The following HSP90AA1 variants were observed in gnomAD, a reference collection of about 807,000 sequenced individuals.
The protein encoded by HSP90AA1 is heat shock protein HSP 90-alpha.
HSP90AA1 carries 18 observed loss-of-function variants against 73.3 expected under a neutral mutation model. The ratio of observed to expected loss-of-function variants is 0.25; its 90% confidence interval spans 0.17 to 0.36. The LOEUF (loss-of-function observed/expected upper bound fraction) is 0.36. Ranked by LOEUF, HSP90AA1 falls within the 10% of genes least tolerant of loss-of-function variation. The pLI is 1.00. For missense variants in HSP90AA1, 704 were observed against 874.2 expected, an observed-to-expected ratio of 0.81 and a Z score of 2.45; for synonymous variants, 477 against 296.9, an observed-to-expected ratio of 1.61 and a Z score of -6.24.
chr14:102,122,160 G>T (rs971058653), intron 1 of HSP90AA1, among the ~76,000 whole-genome samples: 3 of 151,844 alleles, frequency 2.0e-5, no homozygotes, highest in Non-Finnish European at 4.4e-5. Flanking sequence ...AATTATAAAT[G>T]GTTAGTTGGT....
rs1595654483 is a variant in HSP90AA1 at position 102,082,646 on chromosome 14, A to G, written c.1756-202T>C. The G allele has an allele frequency of 5.1e-6, 3 of 594,046 alleles. No homozygotes were observed. The East Asian group carries it at 8.8e-5, about 17-fold the overall frequency. 36.8% of individuals were successfully genotyped at this position (594,046 alleles called of 1,614,324 possible). On this transcript the variant is annotated intron_variant, in intron 9 of 10. Transcript: ENST00000216281. ...ATGCACAATTTTTTTTTTGAGATAG[A>G]GTCTCGCTCCATCACCCAGGCTGGA...
rs762349328 is a variant in HSP90AA1 at position 102,084,847 on chromosome 14, C to T, written c.815G>A (p.Gly272Asp). Residue 272 changes from glycine (G) to aspartate (D), a missense_variant, in exon 5 of 11, where the codon GGT becomes GAT. Gly to Asp is a moderately conservative substitution (Grantham distance 94, BLOSUM62 -1). Transcript: ENST00000216281. Reference protein sequence around the residue: ...GSDEEEEKKDGDKKKKKKIKE... With the variant: ...GSDEEEEKKDDDKKKKKKIKE... Reference sequence around the variant, plus strand: ...AATCTTCTTCTTCTTCTTCTTGTCACCATCCTTCTTTTCTTCTTCCTCATC... The same window carrying T: ...AATCTTCTTCTTCTTCTTCTTGTCATCATCCTTCTTTTCTTCTTCCTCATC... The T allele has an allele frequency of 1.9e-6, 3 of 1,591,154 alleles. No homozygotes were observed. Among genetic ancestry groups the T allele is most frequent in the Middle Eastern group, 1.7e-4 (1 of 6,022 alleles).
chr14:102,085,310 G>A lies in HSP90AA1; in HGVS notation c.651C>T (p.Pro217=), dbSNP rs2049199979. The A allele has an allele frequency of 4.3e-6, 7 of 1,611,816 alleles. No individual in the cohort carries two copies. Among genetic ancestry groups the A allele is most frequent in the Non-Finnish European group, 5.9e-6 (7 of 1,178,492 alleles). The part of the protein sequence containing the change: ...VKKHSQFIGY[P]ITLFVEKERD... The stretch of plus-strand genomic sequence containing the variant: ...CATAAAAACTTACAAAAAGAGTAAT[G>A]GGATATCCAATAAACTGAGAATGTT... Residue 217 remains proline (P), a synonymous_variant, in exon 4 of 11, where the codon CCC becomes CCT. Coordinates refer to ENST00000216281, the MANE Select transcript of HSP90AA1 (RefSeq NM_005348.4).
chr14:102,133,038 G>A (rs562269496), intron 1 of HSP90AA1, among the ~76,000 whole-genome samples: 6 of 152,190 alleles, frequency 3.9e-5, no homozygotes, highest in African/African-American at 1.2e-4. Flanking sequence ...CCAGCACTTT[G>A]GGAGGCCAAG....
chr14:102,124,427 A>C (rs1473148058), intron 1 of HSP90AA1, among the ~76,000 whole-genome samples: 1 of 152,178 alleles, frequency 6.6e-6, no homozygotes. Context: ...TCCTAACCTC[A>C]GGTGATCTGC....
chr14:102,110,071 C>T (rs372789429), intron 1 of HSP90AA1, among the ~76,000 whole-genome samples: 2 of 151,828 alleles, frequency 1.3e-5, no homozygotes, highest in South Asian at 2.1e-4. Flanking sequence ...GTAGCTGGGA[C>T]TACAGGTGCC....
Position 102,085,766 on chromosome 14 carries a change from G to C in HSP90AA1, c.521C>G (p.Thr174Arg), listed in dbSNP as rs2049216344. 6.2e-7 allele frequency: 1 copy of C among 1,613,948 alleles called. No homozygotes were observed. Among genetic ancestry groups the C allele is most frequent in the Non-Finnish European group, 8.5e-7 (1 of 1,179,866 alleles). Residue 174 changes from threonine to arginine, a missense_variant, in exon 3 of 11, where the codon ACA (threonine) becomes AGA (arginine). By Grantham distance (71) the Thr-to-Arg change is moderately conservative. Transcript: ENST00000216281. ...AATGTTCAGGTGCCTACCTGTGTCT[G>C]TCCTCACTGTGAATGATCCCCCTGC... is the stretch of plus-strand genomic sequence containing the variant. ...SSAGGSFTVR[T>R]DTGEPMGRGT...
rs940181256 is a variant in HSP90AA1 at position 102,107,515 on chromosome 14, G to T, written c.156-5430C>A. ...AATTTTTGAATTTTTAATAGCAATG[G>T]GGTTTCACCACGTTGGCCAGGATGG... is the stretch of plus-strand genomic sequence containing the variant. On this transcript the variant is annotated intron_variant, in intron 1 of 11. Transcript: ENST00000334701. 2.0e-5 allele frequency among the ~76,000 whole-genome samples: 3 copies of T among 151,956 alleles called. 1 individual carries two copies. The highest frequency in any genetic ancestry group is 4.4e-5 in the Non-Finnish European group (3 of 68,034).
intron 1 of HSP90AA1, among the ~76,000 whole-genome samples, chr14:102,134,618 GGTGA>G (rs1461998718): frequency 2.6e-5 from 4 of 151,982 alleles, no homozygotes; most frequent in Non-Finnish European, 5.9e-5. Flanking sequence ...AGACCTTCAC[GGTGA>G]GTATTACAGC....
intron 2 of HSP90AA1, among the ~76,000 whole-genome samples, chr14:102,101,464 C>T (rs1274911581): frequency 1.3e-5 from 2 of 152,216 alleles, no homozygotes; most frequent in Non-Finnish European, 2.9e-5. Context: ...CCCCACTGCC[C>T]GCTTCTTCAC....
chr14:102,135,545 G>A (rs1328341733), intron 1 of HSP90AA1, among the ~76,000 whole-genome samples: 2 of 152,274 alleles, frequency 1.3e-5, no homozygotes, highest in African/African-American at 4.8e-5. Context: ...GATGGGACTG[G>A]GCGCCGTGGA....
At chr14:102,137,116 G>T (rs2050010515) in intron 1 of HSP90AA1, among the ~76,000 whole-genome samples, 1 of 151,646 alleles carries the variant, frequency 6.6e-6, no homozygotes, top group Non-Finnish European at 1.5e-5. Context: ...CGGGAGACTG[G>T]GGCAGGAGAA....
Position 102,083,581 on chromosome 14 carries a change from A to G in HSP90AA1, c.1451T>C (p.Met484Thr). The G allele has an allele frequency of 6.2e-7, 1 of 1,613,894 alleles. No homozygotes were observed. Among genetic ancestry groups the G allele is most frequent in the Non-Finnish European group, 8.5e-7 (1 of 1,179,834 alleles). The stretch of plus-strand genomic sequence containing the variant: ...ATAGATATGTTTCTGGTTCTCCTTC[A>G]TTCTGGTGCAGTAGTCCTTGAGAGA... ...MVSLKDYCTR[M>T]KENQKHIYYI... The change falls in exon 8 of 11, where the codon ATG (methionine) becomes ACG (threonine). Residue 484 changes from methionine to threonine, a missense_variant. Met to Thr is a moderately conservative substitution (Grantham distance 81, BLOSUM62 -1). Transcript: ENST00000216281.
At chr14:102,130,705 C>T (rs992091991) in intron 1 of HSP90AA1, among the ~76,000 whole-genome samples, 1 of 151,946 alleles carries the variant, frequency 6.6e-6, no homozygotes, top group Non-Finnish European at 1.5e-5. Flanking sequence ...TTAATTCTTA[C>T]ATTTAGGTCT....
rs75816693 is a variant in HSP90AA1, at chr14:102,121,392, A to G, written c.155+17858T>C. On this transcript the variant is annotated intron_variant, in intron 1 of 11. Transcript: ENST00000334701. ...TGCTTTGGTGAAAATCCTTATACAC[A>G]TAATCTTTGTACATTTATGCGGGTA... 6.5e-3 allele frequency among the ~76,000 whole-genome samples: 993 copies of G among 152,308 alleles called. 10 individuals are homozygous for G. Among genetic ancestry groups the G allele is most frequent in the African/African-American group, 0.023 (948 of 41,576 alleles).
rs751467254 is a variant in HSP90AA1 at position 102,084,366 on chromosome 14, G to T, written c.1147+33C>A. ...CACCCAGAAAGTACTTCTTTAATCAGTGACAGTGATTATTTTTCCTATCTA... is the reference window on the plus strand; with the variant it reads ...CACCCAGAAAGTACTTCTTTAATCATTGACAGTGATTATTTTTCCTATCTA... On this transcript the variant is annotated intron_variant, in intron 6 of 10. Transcript: ENST00000216281. 4 of 1,587,092 alleles carry T rather than the reference G, an allele frequency of 2.5e-6. No individual in the cohort carries two copies. In the East Asian group the frequency reaches 6.7e-5, roughly 27 times the overall value.
chr14:102,130,009 C>A (rs910944711), intron 1 of HSP90AA1, among the ~76,000 whole-genome samples: 1 of 151,658 alleles, frequency 6.6e-6, no homozygotes, highest in Non-Finnish European at 1.5e-5. Flanking sequence ...CTCGCTCTGT[C>A]GCCCAGGCTG....
chr14:102,082,505 A>AC, intron 9 of HSP90AA1, 61 bp from the exon 10 acceptor site: 2 of 1,371,798 alleles, frequency 1.5e-6, no homozygotes, highest in Non-Finnish European at 2.0e-6. Context: ...TTTCATTGTG[A>AC]AATGAAATCT....
upstream of HSP90AA1, among the ~76,000 whole-genome samples, chr14:102,089,477 A>G (rs2049323315): frequency 1.3e-5 from 2 of 152,132 alleles, no homozygotes; most frequent in African/African-American, 2.4e-5. Context: ...CGAACTCTGT[A>G]ATGGTTTCTA....
Sources: allele counts gnomAD v4.1 joint callset (sites outside exome capture counted in the v4.1 genomes callset), GRCh38; gene constraint gnomAD v4.1.1; transcripts MANE v1.5; gene names NCBI Gene and HGNC (gene_info 2026-07-23, HGNC 2026-07-21).